Variants in ENTREP2 observed in about 807,000 individuals in gnomAD.
The protein encoded by ENTREP2 is protein ENTREP2.
chr15:29,389,926 G>A, the ENTREP2 span, among the ~76,000 whole-genome samples: 5 of 152,260 alleles, frequency 3.3e-5, no homozygotes, highest in South Asian at 2.1e-4. Context: ...CCCTGATACC[G>A]GAAACACTGA....
the ENTREP2 span, among the ~76,000 whole-genome samples, chr15:29,286,923 G>A: frequency 6.6e-5 from 10 of 152,160 alleles, no homozygotes; most frequent in Non-Finnish European, 1.2e-4. Context: ...TTATGTTTTT[G>A]TTTAGAAGTT....
the ENTREP2 span, among the ~76,000 whole-genome samples, chr15:29,660,717 C>T: frequency 5.3e-5 from 8 of 152,190 alleles, no homozygotes; most frequent in Non-Finnish European, 1.2e-4. Flanking sequence ...TTTAAAGTAG[C>T]ACTTTATTGT....
At chr15:29,367,534 C>A in the ENTREP2 span, among the ~76,000 whole-genome samples, 5 of 152,140 alleles carry the variant, frequency 3.3e-5, no homozygotes, top group African/African-American at 7.2e-5. Flanking sequence ...TAAAAAAAAT[C>A]CTGGGGAATA....
the ENTREP2 span, among the ~76,000 whole-genome samples, chr15:29,368,525 T>G: frequency 6.6e-6 from 1 of 151,726 alleles, no homozygotes; most frequent in Non-Finnish European, 1.5e-5. Context: ...AAGAAAAAGA[T>G]GACAATGATA....
At chr15:29,622,128 G>A in the ENTREP2 span, among the ~76,000 whole-genome samples, 2 of 152,052 alleles carry the variant, frequency 1.3e-5, no homozygotes, top group African/African-American at 4.8e-5. Flanking sequence ...GATAGATGAT[G>A]GGGATGGCTG....
At chr15:29,263,171 G>A in the ENTREP2 span, among the ~76,000 whole-genome samples, 1 of 152,120 alleles carries the variant, frequency 6.6e-6, no homozygotes, top group Non-Finnish European at 1.5e-5. Flanking sequence ...GAGAAAACCT[G>A]AACATAATCT....
chr15:29,530,914 T>C, the ENTREP2 span, among the ~76,000 whole-genome samples: 1 of 152,172 alleles, frequency 6.6e-6, no homozygotes. Flanking sequence ...GCCTTTCCTT[T>C]GAGCCCTGTC....
chr15:29,124,621 CCCA>C, the ENTREP2 span: 7 of 1,366,446 alleles, frequency 5.1e-6, no homozygotes, highest in South Asian at 1.3e-5. Flanking sequence ...TAGCCAAGGA[CCCA>C]CCAACACCCG....
At chr15:29,528,692 T>C in the ENTREP2 span, among the ~76,000 whole-genome samples, 1 of 149,712 alleles carries the variant, frequency 6.7e-6, no homozygotes, top group Admixed American at 6.6e-5. Context: ...TTCTAGATAG[T>C]AGGATTAGCT....
chr15:29,622,433 C>T, the ENTREP2 span, among the ~76,000 whole-genome samples: 1 of 152,082 alleles, frequency 6.6e-6, no homozygotes, highest in Non-Finnish European at 1.5e-5. Flanking sequence ...GTTTTGAACT[C>T]CTGACCTCAA....
chr15:29,268,951 G>A, the ENTREP2 span: 2 of 1,614,018 alleles, frequency 1.2e-6, no homozygotes, highest in African/African-American at 1.3e-5. Context: ...GTTGGTTCGC[G>A]GGCCCCACTG....
the ENTREP2 span, among the ~76,000 whole-genome samples, chr15:29,186,650 T>C: frequency 2.0e-5 from 3 of 152,178 alleles, no homozygotes; most frequent in African/African-American, 7.2e-5. Context: ...ACCGGCACCA[T>C]AGGTGATTCC....
the ENTREP2 span, among the ~76,000 whole-genome samples, chr15:29,119,629 T>TA: frequency 0.048 from 171 of 3,564 alleles, 18 homozygotes; most frequent in African/African-American, 0.061. Context: ...AATAAATAAA[T>TA]AAATAAAATA....
the ENTREP2 span, among the ~76,000 whole-genome samples, chr15:29,384,800 C>CAA: frequency 6.6e-6 from 1 of 152,138 alleles, no homozygotes; most frequent in Admixed American, 6.5e-5. Context: ...TCTTATCCCT[C>CAA]AAGTTGAGGG....
the ENTREP2 span, among the ~76,000 whole-genome samples, chr15:29,276,386 C>G: frequency 1.3e-5 from 2 of 152,200 alleles, no homozygotes; most frequent in African/African-American, 4.8e-5. Flanking sequence ...TTTCTAATCC[C>G]TTTGTTCTGT....
At chr15:29,136,592 G>T in the ENTREP2 span, 2 of 1,360,606 alleles carry the variant, frequency 1.5e-6, no homozygotes, top group Non-Finnish European at 2.0e-6. Flanking sequence ...GGGGCGGCCA[G>T]GGCTTCCCCT....
chr15:29,674,262 G>A, the ENTREP2 span, among the ~76,000 whole-genome samples: 2 of 151,540 alleles, frequency 1.3e-5, no homozygotes, highest in Admixed American at 6.6e-5. Flanking sequence ...GGGCAGAGTT[G>A]TTTTTTTTGT....
At chr15:29,447,937 G>C in the ENTREP2 span, among the ~76,000 whole-genome samples, 1 of 151,974 alleles carries the variant, frequency 6.6e-6, no homozygotes, top group African/African-American at 2.4e-5. Flanking sequence ...GTGGTGGCAA[G>C]TGCCTGTAAT....
the ENTREP2 span, among the ~76,000 whole-genome samples, chr15:29,137,652 T>C: frequency 6.6e-6 from 1 of 152,092 alleles, no homozygotes; most frequent in Admixed American, 6.6e-5. Flanking sequence ...TTGGTCAACA[T>C]GGCGAAACCC....
Sources: allele counts gnomAD v4.1 joint callset (sites outside exome capture counted in the v4.1 genomes callset), GRCh38; gene constraint gnomAD v4.1.1; transcripts MANE v1.5; gene names NCBI Gene and HGNC (gene_info 2026-07-23, HGNC 2026-07-21).